The following MEIKIN variants were observed in gnomAD, a reference collection of about 807,000 sequenced individuals.
MEIKIN encodes meiotic kinetochore factor.
At chr5:131,830,717 C>A (rs1749700642) in intron 11 of MEIKIN, among the ~76,000 whole-genome samples, 1 of 152,128 alleles carries the variant, frequency 6.6e-6, no homozygotes, top group African/African-American at 2.4e-5. Flanking sequence ...TTAACCAGAA[C>A]TGAAAAACAT....
At chr5:131,873,113 A>G (rs1463695243) in intron 9 of MEIKIN, among the ~76,000 whole-genome samples, 1 of 152,242 alleles carries the variant, frequency 6.6e-6, no homozygotes, top group Non-Finnish European at 1.5e-5. Flanking sequence ...TAGCCAGCTG[A>G]CATCATAATG....
intron 12 of MEIKIN, among the ~76,000 whole-genome samples, chr5:131,813,425 T>G (rs908666056): frequency 1.7e-5 from 2 of 115,448 alleles, no homozygotes; most frequent in Non-Finnish European, 4.1e-5. Flanking sequence ...TATTTAACTA[T>G]ATTCTTTTTT....
intron 8 of MEIKIN, among the ~76,000 whole-genome samples, chr5:131,909,728 A>G (rs748568655): frequency 6.6e-6 from 1 of 152,156 alleles, no homozygotes; most frequent in Non-Finnish European, 1.5e-5. Context: ...GGAAAAACAA[A>G]AATCTGATAA....
intron 8 of MEIKIN, among the ~76,000 whole-genome samples, chr5:131,892,861 C>T (rs1024141141): frequency 1.3e-5 from 2 of 152,122 alleles, no homozygotes; most frequent in African/African-American, 4.8e-5. Context: ...TACCTTTGGT[C>T]TTTGATGATG....
intron 4 of MEIKIN, 137 bp downstream of exon 4, chr5:131,942,498 C>A (rs1054725645): frequency 1.6e-5 from 6 of 386,328 alleles, no homozygotes; most frequent in Admixed American, 4.5e-5. Context: ...ATCTATAGCA[C>A]AGTCAGAAGG....
intron 11 of MEIKIN, among the ~76,000 whole-genome samples, chr5:131,845,196 G>A (rs891463654): frequency 2.0e-5 from 3 of 149,484 alleles, no homozygotes; most frequent in African/African-American, 7.6e-5. Context: ...CATGAACCTG[G>A]GAGGCAGAGT....
chr5:131,811,699 C>T (rs938989060), intron 12 of MEIKIN, among the ~76,000 whole-genome samples: 1 of 152,128 alleles, frequency 6.6e-6, no homozygotes, highest in Non-Finnish European at 1.5e-5. Context: ...CTCTGCCTCC[C>T]GGGTTCATGC....
intron 11 of MEIKIN, among the ~76,000 whole-genome samples, chr5:131,824,611 T>C (rs1749579057): frequency 6.6e-6 from 1 of 152,072 alleles, no homozygotes; most frequent in African/African-American, 2.4e-5. Flanking sequence ...TGAAAAAGTT[T>C]TTGAAATAAA....
intron 12 of MEIKIN, among the ~76,000 whole-genome samples, chr5:131,813,520 G>A (rs926127466): frequency 6.0e-5 from 9 of 150,530 alleles, no homozygotes; most frequent in East Asian, 5.9e-4. Flanking sequence ...TCCGCCTCCC[G>A]GGTTCACGCC....
intron 8 of MEIKIN, among the ~76,000 whole-genome samples, chr5:131,882,911 C>G (rs1750722437): frequency 6.6e-6 from 1 of 152,212 alleles, no homozygotes. Context: ...TAATTTTATT[C>G]AGGCTCTCAC....
Position 131,818,797 on chromosome 5 carries a change from T to C in MEIKIN, c.1042A>G (p.Asn348Asp). 7.5e-6 allele frequency: 3 copies of C among 398,236 alleles called. No homozygotes were observed. Among genetic ancestry groups the C allele is most frequent in the Non-Finnish European group, 1.3e-5 (3 of 225,852 alleles). 24.7% of individuals were successfully genotyped at this position (398,236 alleles called of 1,614,324 possible). The change falls in exon 12 of 13, where the codon AAT becomes GAT. Residue 348 changes from asparagine (N) to aspartate (D), a missense_variant. Physicochemically the swap from Asn to Asp is conservative, Grantham distance 23. Transcript: ENST00000442687. ...TTCTTCTTTACAATAACACCTTTAT[T>C]TTTCACTTGTCTAGTTCCTGGTGAT... ...RTSPGTRQVKNKGVIVKKKKY... is the reference protein window; with the variant it reads ...RTSPGTRQVKDKGVIVKKKKY...
At chr5:131,920,456 C>T (rs1193863451) in intron 6 of MEIKIN, among the ~76,000 whole-genome samples, 1 of 152,178 alleles carries the variant, frequency 6.6e-6, no homozygotes, top group Non-Finnish European at 1.5e-5. Context: ...ACAGAGTTTA[C>T]AGTCTCAAAC....
At chr5:131,812,783 A>G (rs1180451377) in intron 12 of MEIKIN, among the ~76,000 whole-genome samples, 1 of 152,238 alleles carries the variant, frequency 6.6e-6, no homozygotes, top group Non-Finnish European at 1.5e-5. Flanking sequence ...TGGCAGATAG[A>G]AACGCTGCTT....
At chr5:131,928,610 C>T (rs966842875) in intron 5 of MEIKIN, among the ~76,000 whole-genome samples, 4 of 152,008 alleles carry the variant, frequency 2.6e-5, no homozygotes, top group Admixed American at 6.6e-5. Flanking sequence ...TAGTTTTTAA[C>T]GTTTTTATCT....
chr5:131,933,247 T>G (rs2149652599), intron 5 of MEIKIN, among the ~76,000 whole-genome samples: 1 of 152,326 alleles, frequency 6.6e-6, no homozygotes, highest in East Asian at 1.9e-4. Context: ...ATACATTCAT[T>G]AGGTGCAAAA....
chr5:131,889,854 T>C (rs1249098589), intron 8 of MEIKIN, among the ~76,000 whole-genome samples: 3 of 152,228 alleles, frequency 2.0e-5, no homozygotes, highest in Non-Finnish European at 2.9e-5. Flanking sequence ...GGGTTTGTCA[T>C]AGATAGCTTT....
At chr5:131,824,354 A>T (rs565486570) in intron 11 of MEIKIN, among the ~76,000 whole-genome samples, 1 of 152,090 alleles carries the variant, frequency 6.6e-6, no homozygotes, top group Non-Finnish European at 1.5e-5. Flanking sequence ...GCTCTAAAAA[A>T]AAAAAAAATA....
At chr5:131,901,305 A>G (rs1306211926) in intron 8 of MEIKIN, among the ~76,000 whole-genome samples, 2 of 152,078 alleles carry the variant, frequency 1.3e-5, no homozygotes, top group East Asian at 3.9e-4. Flanking sequence ...GCCTGCATGG[A>G]TACCTGTACA....
intron 9 of MEIKIN, among the ~76,000 whole-genome samples, chr5:131,872,896 C>T (rs1750533333): frequency 6.6e-6 from 1 of 152,152 alleles, no homozygotes; most frequent in Non-Finnish European, 1.5e-5. Flanking sequence ...TCCAGCCAAA[C>T]TAAGCTTCAT....
Sources: gnomAD v4.1 joint callset for allele counts (sites outside exome capture counted in the v4.1 genomes callset) on GRCh38, gnomAD v4.1.1 for gene constraint, MANE v1.5 for transcripts, NCBI Gene and HGNC (gene_info 2026-07-23, HGNC 2026-07-21) for gene names.